The following A1BG variants were observed in gnomAD, a reference collection of about 807,000 sequenced individuals.
The protein encoded by A1BG is alpha-1B-glycoprotein.
A neutral mutation model predicts 46.0 loss-of-function variants in A1BG; 44 were observed. The ratio of observed to expected loss-of-function variants is 0.96; its 90% confidence interval spans 0.75 to 1.23. The LOEUF is 1.23. Among genes scored for constraint, A1BG ranks in the 50% most tolerant of loss-of-function variants. The pLI is 0.00. For missense variants in A1BG, 707 were observed against 688.8 expected (o/e 1.03, Z -0.30); for synonymous variants, 316 against 314.7 (o/e 1.00, Z -0.04).
At chr19:58,351,791 C>CATT in intron 4 of A1BG, 104 bp from the exon 5 acceptor site, 36 of 978,754 alleles carry the variant, frequency 3.7e-5, no homozygotes, top group Non-Finnish European at 4.7e-5. Context: ...AACACCCTTC[C>CATT]ATTCTTTTTT....
Position 58,346,936 on chromosome 19 carries a change from T to G in A1BG, c.*86A>C. ...CTCCAGCCCCCCAGAGACCCCGGCC[T>G]TGTGCTGCAACAGGAGGGGAGGGAG... On this transcript the variant is annotated 3_prime_UTR_variant, in exon 8 of 8. Coordinates refer to ENST00000263100, the MANE Select transcript of A1BG (RefSeq NM_130786.4). The G allele has an allele frequency of 6.9e-7, 1 of 1,451,938 alleles. No homozygotes were observed. The highest frequency in any genetic ancestry group is 1.1e-5 in the South Asian group (1 of 87,778). 89.9% of individuals were successfully genotyped at this position (1,451,938 alleles called of 1,614,324 possible). A position where few individuals can be genotyped will look rare whatever the true frequency, so the allele number is the denominator to read the frequency against.
Position 58,352,342 on chromosome 19 carries a change from C to T in A1BG, c.554G>A (p.Arg185Gln), listed in dbSNP as rs1044517090. The change falls in exon 4 of 8, where the codon CGG becomes CAG. Residue 185 changes from arginine to glutamine, a missense_variant. Coordinates refer to ENST00000263100, the MANE Select transcript of A1BG (RefSeq NM_130786.4). Reference protein sequence around the residue: ...HQPGNYSCSYRTDGEGALSEP... With the variant: ...HQPGNYSCSYQTDGEGALSEP... Reference sequence around the variant, plus strand: ...AGAGAGGGCGCCTTCCCCATCGGTCCGGTAGCTGCAGCTGTAGTTGCCAGG... The same window carrying T: ...AGAGAGGGCGCCTTCCCCATCGGTCTGGTAGCTGCAGCTGTAGTTGCCAGG... 1.6e-5 allele frequency: 26 copies of T among 1,613,898 alleles called. No homozygotes were observed. In the Admixed American group the frequency reaches 1.7e-4, roughly 10 times the overall value.
At position 58,347,659 on chromosome 19, in the gene A1BG, T is replaced by TGGTCGGGC. The variant is rs2147998362; in HGVS notation, c.1193-27_1193-20dup. On this transcript the variant is annotated intron_variant, in intron 6 of 7. Transcript: ENST00000263100. ...GGGGGTCCTGGGCGGAGCGGGCGGG[T>TGGTCGGGC]GGTCGGGCCAGGCCACGCCCCAGGC... 1 of 1,334,632 alleles carries TGGTCGGGC rather than the reference T, an allele frequency of 7.5e-7. No homozygotes were observed. The highest frequency in any genetic ancestry group is 3.6e-5 in the Admixed American group (1 of 28,084). The allele number at this position is 1,334,632 out of a possible 1,614,324, so 82.7% of individuals were successfully genotyped here.
chr19:58,347,132 G>T, intron 7 of A1BG, 103 bp from the exon 8 acceptor site: 1 of 1,479,920 alleles, frequency 6.8e-7, no homozygotes, highest in Non-Finnish European at 9.3e-7. Context: ...CCGGAAGGAA[G>T]CGCGTGGTCG....
intron 4 of A1BG, chr19:58,352,078 G>C (rs751399914): frequency 7.0e-7 from 1 of 1,434,186 alleles, no homozygotes; most frequent in East Asian, 2.5e-5. Context: ...ATAGGCGTGA[G>C]CCACCGCACC....
At chr19:58,351,797 T>TTTC in intron 4 of A1BG, 110 bp from the exon 5 acceptor site, 1 of 799,812 alleles carries the variant, frequency 1.3e-6, no homozygotes, top group East Asian at 3.8e-5. Flanking sequence ...CTTCCATTCT[T>TTTC]TTTTTTTTTT....
At chr19:58,347,720 C>T in intron 6 of A1BG, 80 bp from the exon 7 acceptor site, 2 of 920,474 alleles carry the variant, frequency 2.2e-6, no homozygotes, top group Non-Finnish European at 2.8e-6. Flanking sequence ...ACACCCCAGG[C>T]CGCGCCCGCG....
chr19:58,346,500 G>T lies in A1BG; in HGVS notation c.*522C>A. On this transcript the variant is annotated 3_prime_UTR_variant, in exon 8 of 8. Coordinates refer to ENST00000263100, the MANE Select transcript of A1BG (RefSeq NM_130786.4). ...GCTACTCAGGAGGCTGAGGTGGGAGGATCACTTAAGGCCAGGAGTTCAAGA... is the reference window on the plus strand; with the variant it reads ...GCTACTCAGGAGGCTGAGGTGGGAGTATCACTTAAGGCCAGGAGTTCAAGA... 5.2e-6 allele frequency: 1 copy of T among 192,814 alleles called. No individual in the cohort carries two copies. Among genetic ancestry groups the T allele is most frequent in the South Asian group, 8.4e-5 (1 of 11,928 alleles). 11.9% of individuals were successfully genotyped at this position (192,814 alleles called of 1,614,324 possible).
chr19:58,347,539 A>C lies in A1BG; in HGVS notation c.1294T>G (p.Phe432Val). The change falls in exon 7 of 8, where the codon TTC (phenylalanine) becomes GTC (valine). Residue 432 changes from phenylalanine (F) to valine (V), a missense_variant. By Grantham distance (50) the Phe-to-Val change is conservative (BLOSUM62 -1). Coordinates refer to ENST00000263100, the MANE Select transcript of A1BG (RefSeq NM_130786.4). ...RCEGPIPDVT[F>V]ELLREGETKA... ...GTCTCGCCCTCGCGCAGCAGCTCGAAGGTGACGTCGGGGATGGGTCCCTCG... is the reference window on the plus strand; with the variant it reads ...GTCTCGCCCTCGCGCAGCAGCTCGACGGTGACGTCGGGGATGGGTCCCTCG... The C allele has an allele frequency of 1.3e-6, 2 of 1,574,782 alleles. No homozygotes were observed. The highest frequency in any genetic ancestry group is 1.7e-6 in the Non-Finnish European group (2 of 1,161,930).
intron 6 of A1BG, chr19:58,349,654 A>C (rs1408808472): frequency 6.6e-6 from 1 of 151,752 alleles, no homozygotes; most frequent in African/African-American, 2.4e-5. Flanking sequence ...TATCCAAAAA[A>C]AAAACAAAAA....
In A1BG at chr19:58,350,463, C is replaced by A; in HGVS notation, c.1099G>T (p.Ala367Ser). The A allele has an allele frequency of 6.4e-7, 1 of 1,556,372 alleles. No homozygotes were observed. The highest frequency in any genetic ancestry group is 8.7e-7 in the Non-Finnish European group (1 of 1,150,544). ...ALFELHNISV[A>S]DSANYSCVYV... ...ACGCAGCTGTAGTTGGCGGAGTCAG[C>A]CACGGAAATGTTGTGCAGCTCGAAG... Residue 367 changes from alanine (A) to serine (S), a missense_variant, in exon 6 of 8, where the codon GCT becomes TCT. Transcript: ENST00000263100.
chr19:58,350,795 G>C (rs964511026), intron 5 of A1BG, 144 bp from the exon 6 acceptor site: 168 of 824,932 alleles, frequency 2.0e-4, no homozygotes, highest in Non-Finnish European at 2.3e-4. Context: ...CTCCGGGCCC[G>C]CCCCACCTTT....
chr19:58,350,691 C>T, intron 5 of A1BG, 40 bp from the exon 6 acceptor site: 1 of 1,334,384 alleles, frequency 7.5e-7, no homozygotes, highest in Non-Finnish European at 9.5e-7. Context: ...CGCCCAGCGG[C>T]TGGCTCGGCC....
chr19:58,346,935 C>T lies in A1BG; in HGVS notation c.*87G>A. On this transcript the variant is annotated 3_prime_UTR_variant, in exon 8 of 8. Transcript: ENST00000263100. ...TCTCCAGCCCCCCAGAGACCCCGGC[C>T]TTGTGCTGCAACAGGAGGGGAGGGA... 1 of 1,444,886 alleles carries T rather than the reference C, an allele frequency of 6.9e-7. No individual in the cohort carries two copies. The highest frequency in any genetic ancestry group is 1.7e-5 in the Admixed American group (1 of 59,812). 89.5% of individuals were successfully genotyped at this position (1,444,886 alleles called of 1,614,324 possible). A position where few individuals can be genotyped will look rare whatever the true frequency, so the allele number is the denominator to read the frequency against.
At chr19:58,350,267 C>A in intron 6 of A1BG, 103 bp downstream of exon 6, 2 of 1,388,542 alleles carry the variant, frequency 1.4e-6, no homozygotes, top group East Asian at 2.6e-5. Flanking sequence ...TGAACCAAGG[C>A]CCAGAGCGCC....
chr19:58,346,634 C>T lies in A1BG; in HGVS notation c.*388G>A, dbSNP rs975382262. 1.5e-5 allele frequency: 4 copies of T among 275,106 alleles called. 1 individual carries two copies. Among genetic ancestry groups the T allele is most frequent in the South Asian group, 6.9e-5 (2 of 28,932 alleles). The allele number at this position is 275,106 out of a possible 1,614,324, so 17.0% of individuals were successfully genotyped here. A position where few individuals can be genotyped will look rare whatever the true frequency, so the allele number is the denominator to read the frequency against. On this transcript the variant is annotated 3_prime_UTR_variant, in exon 8 of 8. Transcript: ENST00000263100. ...ACTTGGGAGGCTGAGGCAGGAGGAT[C>T]GCTTGAGCCTGGGAGGTCAAAACTG...
At position 58,350,404 on chromosome 19, in the gene A1BG, G is replaced by T. The variant is rs1188662646; in HGVS notation, c.1158C>A (p.Ser386=). The change falls in exon 6 of 8, where the codon TCC becomes TCA. Residue 386 remains serine (S), a synonymous_variant. Transcript: ENST00000263100. The part of the protein sequence containing the change: ...YVDLKPPFGG[S]APSERLELHV... ...GCAGCTCCAAGCGCTCGCTGGGCGC[G>T]GAGCCCCCGAAAGGCGGCTTCAGGT... The T allele has an allele frequency of 3.2e-6, 5 of 1,549,336 alleles. No individual in the cohort carries two copies. Among genetic ancestry groups the T allele is most frequent in the Non-Finnish European group, 4.4e-6 (5 of 1,146,390 alleles).
chr19:58,349,099 A>G (rs566746273), intron 6 of A1BG: 58 of 152,066 alleles, frequency 3.8e-4, no homozygotes, highest in African/African-American at 1.4e-3. Context: ...ACTCACTGCA[A>G]ACTCCACCTC....
chr19:58,347,710 A>T (rs960134664), intron 6 of A1BG, 70 bp from the exon 7 acceptor site: 1 of 886,144 alleles, frequency 1.1e-6, no homozygotes, highest in Non-Finnish European at 1.5e-6. Context: ...ACCCCAGGCC[A>T]CACCCCAGGC....
Sources: gnomAD v4.1 joint callset for allele counts on GRCh38, gnomAD v4.1.1 for gene constraint, MANE v1.5 for transcripts, NCBI Gene and HGNC (gene_info 2026-07-23, HGNC 2026-07-21) for gene names.